Variants in GRTP1 observed in about 807,000 individuals in gnomAD.
The protein encoded by GRTP1 is growth hormone-regulated TBC protein 1.
Under a neutral mutation model 38.1 loss-of-function variants are expected in GRTP1, and 56 were observed. That is an observed-to-expected ratio of 1.47 (90% CI 1.19 to 1.84). The LOEUF is 1.84. Among genes scored for constraint, GRTP1 ranks in the 40% most tolerant of loss-of-function variants. The pLI is 0.00. For missense variants in GRTP1, 506 were observed against 453.9 expected, an observed-to-expected ratio of 1.11 and a Z score of -1.04; for synonymous variants, 217 against 189.5, an observed-to-expected ratio of 1.14 and a Z score of -1.19.
intron 4 of GRTP1, 101 bp downstream of exon 4, chr13:113,350,748 C>T: frequency 1.8e-6 from 2 of 1,120,044 alleles, no homozygotes; most frequent in South Asian, 1.9e-5. Flanking sequence ...AATTCATGAA[C>T]AGGGTTGACA....
At chr13:113,360,404 T>C (rs1332312228) in intron 2 of GRTP1, 2 of 152,208 alleles carry the variant, frequency 1.3e-5, no homozygotes, top group Non-Finnish European at 2.9e-5. Context: ...ATTGTGTTCC[T>C]GGAGACTTTA....
intron 5 of GRTP1, among the ~76,000 whole-genome samples, chr13:113,338,912 T>A: frequency 7.4e-6 from 1 of 134,734 alleles, no homozygotes; most frequent in South Asian, 2.3e-4. Context: ...GCTTAGATTT[T>A]TTTTTTTTTT....
intron 2 of GRTP1, chr13:113,359,821 G>GT (rs1274340465): frequency 6.6e-6 from 1 of 152,188 alleles, no homozygotes; most frequent in East Asian, 1.9e-4. Flanking sequence ...TTTTTGATAA[G>GT]TTTGTTATCT....
intron 5 of GRTP1, among the ~76,000 whole-genome samples, chr13:113,327,574 G>A (rs1255357586): frequency 6.6e-6 from 1 of 152,218 alleles, no homozygotes; most frequent in Non-Finnish European, 1.5e-5. Context: ...TGAGCACACA[G>A]TGAAGTCGGT....
chr13:113,335,337 C>T (rs1426171168), intron 5 of GRTP1, among the ~76,000 whole-genome samples: 6 of 151,376 alleles, frequency 4.0e-5, no homozygotes, highest in Non-Finnish European at 8.8e-5. Flanking sequence ...GCAGGAGAAT[C>T]GCTTGAACCC....
chr13:113,363,683 G>C (rs975961756), intron 2 of GRTP1, 79 bp downstream of exon 2: 1 of 1,428,626 alleles, frequency 7.0e-7, no homozygotes, highest in Admixed American at 2.0e-5. Flanking sequence ...CCTCCGCTCC[G>C]GGAGCCCGGA....
intron 6 of GRTP1, 35 bp downstream of exon 6, chr13:113,325,884 G>T: frequency 3.1e-6 from 5 of 1,613,658 alleles, no homozygotes; most frequent in Non-Finnish European, 3.4e-6. Context: ...CTCCCTGGCG[G>T]CCCGCCCGCC....
intron 5 of GRTP1, among the ~76,000 whole-genome samples, chr13:113,326,374 C>CGGGGGGGGGGGGGGGGGGGGGG (rs2042770548): frequency 1.4e-3 from 1 of 702 alleles, no homozygotes; most frequent in Non-Finnish European, 4.0e-3. Flanking sequence ...GAGGGTGGCG[C>CGGGGGGGGGGGGGGGGGGGGGG]GGTGGGGGGG....
chr13:113,325,595 G>GC (rs773363416), intron 7 of GRTP1, 66 bp downstream of exon 7: 1 of 1,611,698 alleles, frequency 6.2e-7, no homozygotes. Context: ...GGTCAGAGCA[G>GC]CCCCCGGGCT....
intron 5 of GRTP1, among the ~76,000 whole-genome samples, chr13:113,336,433 G>C (rs1231268797): frequency 2.0e-5 from 3 of 151,858 alleles, no homozygotes; most frequent in African/African-American, 7.3e-5. Flanking sequence ...AGTGCCCTCG[G>C]TGTGCCGAGC....
intron 5 of GRTP1, among the ~76,000 whole-genome samples, chr13:113,333,838 A>T (rs201930413): frequency 3.4e-4 from 8 of 23,600 alleles, no homozygotes; most frequent in Admixed American, 1.5e-3. Flanking sequence ...TTATTTATTT[A>T]GTGTGTGTGT....
At chr13:113,356,956 ACGAGGGAAGACC>A (rs1019197819) in intron 2 of GRTP1, among the ~76,000 whole-genome samples, 1 of 152,234 alleles carries the variant, frequency 6.6e-6, no homozygotes. Context: ...TACAAGGACA[ACGAGGGAAGACC>A]CAGAGGAGAG....
At chr13:113,352,236 A>ATATATATT (rs1223943541) in intron 3 of GRTP1, among the ~76,000 whole-genome samples, 4 of 95,870 alleles carry the variant, frequency 4.2e-5, no homozygotes, top group South Asian at 3.4e-4. Context: ...CTATATTTAT[A>ATATATATT]TATATATTTA....
At chr13:113,330,986 G>A (rs1198113135) in intron 5 of GRTP1, among the ~76,000 whole-genome samples, 1 of 146,284 alleles carries the variant, frequency 6.8e-6, no homozygotes, top group Non-Finnish European at 1.5e-5. Flanking sequence ...GTGTGCATGG[G>A]AGCCCAGGCG....
In GRTP1 at chr13:113,343,601, G is replaced by A. The variant is rs1004318864; in HGVS notation, c.562+1262C>T. ...GCTCTGCCATGTACAGCGGTGGTCA[G>A]GCCAGCACGCAAATTCTCCCGGCCT... is the stretch of plus-strand genomic sequence containing the variant. On this transcript the variant is annotated intron_variant, in intron 5 of 7. Transcript: ENST00000375431. The surrounding 1 kb of genome is among the most constrained non-coding windows in gnomAD (Gnocchi z 4.8). 5.3e-5 allele frequency among the ~76,000 whole-genome samples: 8 copies of A among 152,194 alleles called. No individual in the cohort carries two copies. Among genetic ancestry groups the A allele is most frequent in the African/African-American group, 1.4e-4 (6 of 41,436 alleles).
rs758105451 is a variant in GRTP1 at position 113,325,715 on chromosome 13, CTT to C, written c.865_866del (p.Lys289ValfsTer2). On this transcript the variant is annotated frameshift_variant, in exon 7 of 8. Coordinates refer to ENST00000375431, the MANE Select transcript of GRTP1 (RefSeq NM_024719.4). LOFTEE classifies it high-confidence loss of function. ...AACTCCCTTTGGTTATCTGCTTAAA[CTT>C]ATCGCAAATGTCTGGAACGCTGGTG... ...EATSVPDICD[K>X]FKQITKGSFV... 1.4e-5 allele frequency: 23 copies of C among 1,614,132 alleles called. No individual in the cohort carries two copies. Among genetic ancestry groups the C allele is most frequent in the South Asian group, 4.4e-5 (4 of 91,088 alleles).
At chr13:113,359,295 G>C (rs570673800) in intron 2 of GRTP1, among the ~76,000 whole-genome samples, 1 of 152,214 alleles carries the variant, frequency 6.6e-6, no homozygotes, top group South Asian at 2.1e-4. Flanking sequence ...GCCTAGCTGC[G>C]TGTTTGTCCA....
intron 7 of GRTP1, chr13:113,325,132 C>T (rs907880706): frequency 7.8e-6 from 8 of 1,022,660 alleles, no homozygotes; most frequent in Non-Finnish European, 9.4e-6. Context: ...GCCCGGCCAA[C>T]ATGGTCTTCT....
intron 5 of GRTP1, among the ~76,000 whole-genome samples, chr13:113,334,578 C>T (rs552074833): frequency 1.7e-3 from 251 of 152,066 alleles, no homozygotes; most frequent in African/African-American, 5.7e-3. Flanking sequence ...GGTGGAAATC[C>T]TCAATTTGCT....
Sources: allele counts gnomAD v4.1 joint callset (sites outside exome capture counted in the v4.1 genomes callset), GRCh38; gene constraint gnomAD v4.1.1; non-coding constraint Gnocchi (gnomAD v3.1); transcripts MANE v1.5; gene names NCBI Gene and HGNC (gene_info 2026-07-23, HGNC 2026-07-21).